The following ACAP1 variants were observed in gnomAD, a reference collection of about 807,000 sequenced individuals.
ACAP1 encodes ArfGAP with coiled-coil, ankyrin repeat and PH domains 1.
ACAP1 carries 45 observed loss-of-function variants against 98.8 expected under a neutral mutation model. That is an observed-to-expected ratio of 0.46 (90% CI 0.36 to 0.58). The LOEUF (loss-of-function observed/expected upper bound fraction) is 0.58. ACAP1 is among the 20% of genes least tolerant of loss of function. The probability of loss-of-function intolerance (pLI) is 0.00; values close to 1 mark genes in which losing one functional copy is unlikely to be tolerated. For missense variants in ACAP1, 735 were observed against 971.4 expected (o/e 0.76, Z 3.24); for synonymous variants, 362 against 375.3 (o/e 0.96, Z 0.41).
chr17:7,346,349 C>T, intron 11 of ACAP1, 42 bp from the exon 12 acceptor site: 1 of 1,613,888 alleles, frequency 6.2e-7, no homozygotes, highest in African/African-American at 1.3e-5. Flanking sequence ...CAGCTCTTGC[C>T]TGCAGCTGGA....
In ACAP1 at chr17:7,349,053, T is replaced by C; in HGVS notation, c.1737T>C (p.Ser579=). The change falls in exon 18 of 22, where the codon TCT becomes TCC. Residue 579 remains serine (S), a synonymous_variant. Transcript: ENST00000158762. ...LHPGALLFRA[S]GHPPSLPTMA... The stretch of plus-strand genomic sequence containing the variant: ...CTGGGGCCCTACTGTTTCGAGCGTC[T>C]GGGCATCCTCCATCTCTTCCCACCA... 1.2e-6 allele frequency: 2 copies of C among 1,614,030 alleles called. No homozygotes were observed. The highest frequency in any genetic ancestry group is 1.7e-6 in the Non-Finnish European group (2 of 1,180,004).
intron 2 of ACAP1, among the ~76,000 whole-genome samples, chr17:7,339,520 G>T (rs2073255158): frequency 6.6e-6 from 1 of 152,072 alleles, no homozygotes; most frequent in Non-Finnish European, 1.5e-5. Flanking sequence ...TGAGGCAGGA[G>T]AATTGCTTGA....
Position 7,343,818 on chromosome 17 carries a change from G to C in ACAP1, c.574-43G>C. Reference sequence around the variant, plus strand: ...CTGCCAGCACAAGGGAATGGGGAGAGGGGTTCTTCCTCAGCCTTCCCACTG... The same window carrying C: ...CTGCCAGCACAAGGGAATGGGGAGACGGGTTCTTCCTCAGCCTTCCCACTG... On this transcript the variant is annotated intron_variant, in intron 7 of 21. Transcript: ENST00000158762. The surrounding 1 kb of genome is among the most constrained non-coding windows in gnomAD (Gnocchi z 4.9). 6.2e-7 allele frequency: 1 copy of C among 1,613,854 alleles called. No homozygotes were observed. The highest frequency in any genetic ancestry group is 2.2e-5 in the East Asian group (1 of 44,882).
chr17:7,338,341 C>T (rs2073241750), intron 2 of ACAP1, among the ~76,000 whole-genome samples: 1 of 152,026 alleles, frequency 6.6e-6, no homozygotes. Context: ...GGAACCTCCA[C>T]CTCCCAGGTT....
rs2143015528 is a variant in ACAP1, at chr17:7,337,497, G to A, written c.111+128G>A. The A allele has an allele frequency of 3.5e-6, 3 of 855,548 alleles. No individual in the cohort carries two copies. The South Asian group carries it at 4.7e-5, about 13-fold the overall frequency. The allele number at this position is 855,548 out of a possible 1,614,324, so 53.0% of individuals were successfully genotyped here. Reference sequence around the variant, plus strand: ...TACTGTGTAGGGGAGATATTTTGGAGACTGCAGAGAAGCAAAAAAGGTGGT... The same window carrying A: ...TACTGTGTAGGGGAGATATTTTGGAAACTGCAGAGAAGCAAAAAAGGTGGT... On this transcript the variant is annotated intron_variant, in intron 2 of 21. Coordinates refer to ENST00000158762, the MANE Select transcript of ACAP1 (RefSeq NM_014716.4).
intron 2 of ACAP1, among the ~76,000 whole-genome samples, chr17:7,339,183 A>C (rs972204140): frequency 6.6e-6 from 1 of 152,052 alleles, no homozygotes; most frequent in Admixed American, 6.6e-5. Flanking sequence ...CCAGCTACTC[A>C]GGAGGCTGAG....
At chr17:7,338,472 A>T (rs995964715) in intron 2 of ACAP1, among the ~76,000 whole-genome samples, 1 of 151,828 alleles carries the variant, frequency 6.6e-6, no homozygotes, top group African/African-American at 2.4e-5. Flanking sequence ...CATGTTGGCT[A>T]AGCTGGTCTT....
chr17:7,341,993 C>T lies in ACAP1; in HGVS notation c.157C>T (p.Leu53Phe). The T allele has an allele frequency of 6.2e-7, 1 of 1,614,174 alleles. No individual in the cohort carries two copies. Among genetic ancestry groups the T allele is most frequent in the Non-Finnish European group, 8.5e-7 (1 of 1,180,030 alleles). Reference protein sequence around the residue: ...TGLLESGRHYLAASRAFVVGI... With the variant: ...TGLLESGRHYFAASRAFVVGI... ...TCTCCTGGAAAGTGGGCGCCATTAC[C>T]TTGCTGCCAGCCGCGCCTTCGTTGT... is the stretch of plus-strand genomic sequence containing the variant. The change falls in exon 3 of 22, where the codon CTT becomes TTT. Residue 53 changes from leucine to phenylalanine, a missense_variant. By Grantham distance (22) the Leu-to-Phe change is conservative. This residue lies in a region of ACAP1 where 430 missense variants were observed against 531.8 expected (regional missense o/e 0.81). Transcript: ENST00000158762.
rs536772262 is a variant in ACAP1, at chr17:7,347,808, C to A, written c.1344-114C>A. ...GCTGCCCTGCCTCCTGGGCCAGCAC[C>A]TCTGCACGGGCCCCCATGCCAGCCT... is the stretch of plus-strand genomic sequence containing the variant. On this transcript the variant is annotated intron_variant, in intron 14 of 21. Transcript: ENST00000158762. 4.7e-6 allele frequency: 4 copies of A among 846,712 alleles called. No homozygotes were observed. The East Asian group carries it at 9.9e-5, about 21-fold the overall frequency. The allele number at this position is 846,712 out of a possible 1,614,324, so 52.4% of individuals were successfully genotyped here. A position where few individuals can be genotyped will look rare whatever the true frequency, so the allele number is the denominator to read the frequency against.
Position 7,343,145 on chromosome 17 carries a change from C to A in ACAP1, c.345-234C>A. On this transcript the variant is annotated intron_variant, in intron 5 of 21. Transcript: ENST00000158762. The surrounding 1 kb of genome is among the most constrained non-coding windows in gnomAD (Gnocchi z 4.9). ...GGGAGTGAGATGGGAGAGAAGGGGG[C>A]CTTATTTCTCGGAAACCAGCCCTGC... 2.1e-6 allele frequency: 1 copy of A among 469,912 alleles called. No individual in the cohort carries two copies. The highest frequency in any genetic ancestry group is 3.7e-5 in the Admixed American group (1 of 26,878). The allele number at this position is 469,912 out of a possible 1,614,324, so 29.1% of individuals were successfully genotyped here.
chr17:7,338,625 T>C (rs1052686131), intron 2 of ACAP1, among the ~76,000 whole-genome samples: 3 of 151,958 alleles, frequency 2.0e-5, no homozygotes, highest in Admixed American at 6.6e-5. Flanking sequence ...CCCAGATGCT[T>C]CAATACTGGG....
At chr17:7,339,982 C>T (rs571450367) in intron 2 of ACAP1, among the ~76,000 whole-genome samples, 69 of 152,222 alleles carry the variant, frequency 4.5e-4, no homozygotes, top group African/African-American at 1.5e-3. Flanking sequence ...ATGCTGCTGC[C>T]GGGTGTGGTC....
chr17:7,341,933 C>G lies in ACAP1; in HGVS notation c.112-15C>G. 1 of 1,613,978 alleles carries G rather than the reference C, an allele frequency of 6.2e-7. No individual in the cohort carries two copies. The highest frequency in any genetic ancestry group is 1.3e-5 in the African/African-American group (1 of 75,050). ...GATGATGGCACAGCTCCCTGTTACC[C>G]TCCTTCTTTCCCAGCTCCTGAAACT... On this transcript the variant is annotated splice_polypyrimidine_tract_variant and intron_variant, in intron 2 of 21. Coordinates refer to ENST00000158762, the MANE Select transcript of ACAP1 (RefSeq NM_014716.4).
intron 15 of ACAP1, 36 bp downstream of exon 15, chr17:7,348,027 C>A (rs779678395): frequency 6.2e-7 from 1 of 1,612,724 alleles, no homozygotes; most frequent in South Asian, 1.1e-5. Context: ...GGGGCAAGAA[C>A]TTGGGGTGGG....
chr17:7,350,181 A>G lies in ACAP1; in HGVS notation c.2016A>G (p.Glu672=). The part of the protein sequence containing the change: ...RGADLGARDS[E]GRDPLTIAME... ...CTGATCTGGGGGCTCGAGACTCTGAAGGCAGGGACCCTCTGACCATCGCCA... is the reference window on the plus strand; with the variant it reads ...CTGATCTGGGGGCTCGAGACTCTGAGGGCAGGGACCCTCTGACCATCGCCA... Residue 672 remains glutamate (E), a synonymous_variant, in exon 20 of 22, where the codon GAA becomes GAG. Coordinates refer to ENST00000158762, the MANE Select transcript of ACAP1 (RefSeq NM_014716.4). The surrounding 1 kb of genome is among the most constrained non-coding windows in gnomAD (Gnocchi z 4.6). The G allele has an allele frequency of 6.2e-7, 1 of 1,614,154 alleles. No individual in the cohort carries two copies. The highest frequency in any genetic ancestry group is 1.1e-5 in the South Asian group (1 of 91,086).
chr17:7,350,742 C>T lies in ACAP1; in HGVS notation c.2073-208C>T, dbSNP rs761999076. The T allele has an allele frequency of 4.9e-5, 26 of 529,872 alleles. No homozygotes were observed. Among genetic ancestry groups the T allele is most frequent in the Admixed American group, 1.3e-4 (4 of 31,226 alleles). 32.8% of individuals were successfully genotyped at this position (529,872 alleles called of 1,614,324 possible). A position where few individuals can be genotyped will look rare whatever the true frequency, so the allele number is the denominator to read the frequency against. ...TCCTGTCTCAGCCTCCCCTGAGTAG[C>T]TGGGACTACAGGCGTGCGCCACCAC... On this transcript the variant is annotated intron_variant, in intron 20 of 21. Transcript: ENST00000158762. This position sits in a 1 kb window ranked among gnomAD's most constrained non-coding sequence, Gnocchi z 4.6.
intron 2 of ACAP1, among the ~76,000 whole-genome samples, chr17:7,337,711 A>G (rs2073235686): frequency 6.6e-6 from 1 of 152,094 alleles, no homozygotes; most frequent in Admixed American, 6.5e-5. Flanking sequence ...AAAATCATCC[A>G]GGCTTAGTGG....
At position 7,343,088 on chromosome 17, in the gene ACAP1, A is replaced by C. The variant is rs974268661; in HGVS notation, c.345-291A>C. ...GAGCAAGACCCGGTCTCAAAAACAAAAACAACAACAACAACAAAAATTTTT... is the reference window on the plus strand; with the variant it reads ...GAGCAAGACCCGGTCTCAAAAACAACAACAACAACAACAACAAAAATTTTT... On this transcript the variant is annotated intron_variant, in intron 5 of 21. Coordinates refer to ENST00000158762, the MANE Select transcript of ACAP1 (RefSeq NM_014716.4). This position sits in a 1 kb window ranked among gnomAD's most constrained non-coding sequence, Gnocchi z 4.9. The C allele has an allele frequency of 6.6e-5, 22 of 334,142 alleles. No individual in the cohort carries two copies. Among genetic ancestry groups the C allele is most frequent in the African/African-American group, 3.4e-4 (16 of 47,116 alleles). 20.7% of individuals were successfully genotyped at this position (334,142 alleles called of 1,614,324 possible).
chr17:7,344,796 T>C lies in ACAP1; in HGVS notation c.854+148T>C. ...CATCAGCAAAGACAGAGGATAAACC[T>C]AGTATGTAAATTACGTGCTATGTTA... On this transcript the variant is annotated intron_variant, in intron 10 of 21. Transcript: ENST00000158762. The surrounding 1 kb of genome is among the most constrained non-coding windows in gnomAD (Gnocchi z 4.9). 1 of 626,566 alleles carries C rather than the reference T, an allele frequency of 1.6e-6. No homozygotes were observed. Among genetic ancestry groups the C allele is most frequent in the Non-Finnish European group, 2.8e-6 (1 of 352,892 alleles). 38.8% of individuals were successfully genotyped at this position (626,566 alleles called of 1,614,324 possible).
Sources: allele counts gnomAD v4.1 joint callset (sites outside exome capture counted in the v4.1 genomes callset), GRCh38; gene constraint gnomAD v4.1.1; regional missense constraint gnomAD v4.1.1; non-coding constraint Gnocchi (gnomAD v3.1); transcripts MANE v1.5; gene names NCBI Gene and HGNC (gene_info 2026-07-23, HGNC 2026-07-21).